Variants in SSX1 observed in about 807,000 individuals in gnomAD.
SSX1 encodes protein SSX1.
SSX1 carries 58 observed loss-of-function variants against 14.6 expected under a neutral mutation model. That is an observed-to-expected ratio of 3.96 (90% CI 3.21 to 4.93). SSX1 has a LOEUF of 4.93. Among genes scored for constraint, SSX1 ranks in the 30% most tolerant of loss-of-function variants. The pLI is 0.00. For missense variants in SSX1, 272 were observed against 143.1 expected (o/e 1.90, Z -4.60); for synonymous variants, 46 against 52.1 (o/e 0.88, Z 0.50).
chrX:48,261,863 T>C, intron 5 of SSX1, 48 bp downstream of exon 5: 1 of 1,185,066 alleles, frequency 8.4e-7, no homozygotes, highest in Non-Finnish European at 1.1e-6. Context: ...TTTCCTTTCA[T>C]GGATGTGAAC....
At chrX:48,262,544 C>G (rs1183066005) in intron 5 of SSX1, among the ~76,000 whole-genome samples, 1 of 110,972 alleles carries the variant, frequency 9.0e-6, no homozygotes, top group African/African-American at 3.3e-5. Context: ...TCCTTGAGCT[C>G]CTTGAGGGCT....
In SSX1 at chrX:48,258,562, A is replaced by C. The variant is rs145959932; in HGVS notation, c.211A>C (p.Met71Leu). 11 of 1,208,607 alleles carry C rather than the reference A, an allele frequency of 9.1e-6. No individual in the cohort carries two copies. The highest frequency in any genetic ancestry group is 1.2e-5 in the Non-Finnish European group (11 of 893,491). The change falls in exon 4 of 8, where the codon ATG becomes CTG. Residue 71 changes from methionine to leucine, a missense_variant. Met to Leu is a conservative substitution (Grantham distance 15, BLOSUM62 2). Transcript: ENST00000376919. ...LGFKVTLPPF[M>L]CNKQATDFQG... Reference sequence around the variant, plus strand: ...TTTCAAAGTCACCCTCCCACCTTTCATGTGTAATAAACAGGCCACAGACTT... The same window carrying C: ...TTTCAAAGTCACCCTCCCACCTTTCCTGTGTAATAAACAGGCCACAGACTT...
intron 5 of SSX1, among the ~76,000 whole-genome samples, chrX:48,262,998 G>A (rs1404952410): frequency 9.0e-6 from 1 of 110,544 alleles, no homozygotes; most frequent in Non-Finnish European, 1.9e-5. Flanking sequence ...GCAGGGCGTG[G>A]TAGCGCCTGC....
intron 1 of SSX1, among the ~76,000 whole-genome samples, chrX:48,256,145 C>A (rs2059580287): frequency 9.4e-6 from 1 of 106,063 alleles, no homozygotes; most frequent in Non-Finnish European, 1.9e-5. Context: ...AGGCAAGAAC[C>A]ACCTCGCTGA....
chrX:48,261,918 T>G (rs1460451112), intron 5 of SSX1, 103 bp downstream of exon 5: 38 of 950,611 alleles, frequency 4.0e-5, no homozygotes, highest in African/African-American at 5.8e-5. Flanking sequence ...CATTGCCTCT[T>G]TCTCCCCATG....
chrX:48,260,243 A>G (rs2059599488), intron 4 of SSX1, among the ~76,000 whole-genome samples: 1 of 108,680 alleles, frequency 9.2e-6, no homozygotes, highest in African/African-American at 3.3e-5. Context: ...AGCTGCATAA[A>G]TGTCTTCTTT....
Position 48,263,922 on chromosome X carries a change from G to C in SSX1, c.466+5G>C. On this transcript the variant is annotated splice_donor_5th_base_variant and intron_variant, in intron 6 of 7. Transcript: ENST00000376919. ...AGAAGATTAATAAGAGATCTGGTAAGAGGAAATGATTTGGGAACAACTTCT... is the reference window on the plus strand; with the variant it reads ...AGAAGATTAATAAGAGATCTGGTAACAGGAAATGATTTGGGAACAACTTCT... The C allele has an allele frequency of 3.3e-6, 4 of 1,209,913 alleles. No individual in the cohort carries two copies. The highest frequency in any genetic ancestry group is 4.5e-6 in the Non-Finnish European group (4 of 894,574).
chrX:48,263,815 G>A lies in SSX1; in HGVS notation c.364G>A (p.Asp122Asn). The A allele has an allele frequency of 1.7e-6, 2 of 1,211,614 alleles. No individual in the cohort carries two copies. The highest frequency in any genetic ancestry group is 2.2e-6 in the Non-Finnish European group (2 of 895,400). The stretch of plus-strand genomic sequence containing the variant: ...CAAGAAGCCAGCAGAGGACGAAAAT[G>A]ATTCGAAGGGAGTGTCAGAAGCATC... ...MPKKPAEDEN[D>N]SKGVSEASGP... Residue 122 changes from aspartate to asparagine, a missense_variant, in exon 6 of 8, where the codon GAT becomes AAT. By Grantham distance (23) the Asp-to-Asn change is conservative (BLOSUM62 1). Coordinates refer to ENST00000376919, the MANE Select transcript of SSX1 (RefSeq NM_005635.4).
chrX:48,265,916 TC>T (rs869057275), intron 6 of SSX1, among the ~76,000 whole-genome samples: 2 of 111,162 alleles, frequency 1.8e-5, no homozygotes, highest in Non-Finnish European at 1.9e-5. Flanking sequence ...TGGTGAGAAT[TC>T]CCCCCAAAAA....
intron 7 of SSX1, 108 bp from the exon 8 acceptor site, chrX:48,266,746 G>A (rs1274385359): frequency 2.5e-5 from 14 of 563,369 alleles, no homozygotes; most frequent in Middle Eastern, 5.6e-4. Context: ...TCCTGGGGTA[G>A]GGCAGAATCA....
rs1213181798 is a variant in SSX1, at chrX:48,267,072, T to A, written c.*223T>A. On this transcript the variant is annotated 3_prime_UTR_variant, in exon 8 of 8. Transcript: ENST00000376919. ...CAGTGTGCCATTCTGTTAGATACTA[T>A]CCTTATAATTGATGAGCAAGACATA... The A allele has an allele frequency of 9.2e-6, 4 of 436,040 alleles. No individual in the cohort carries two copies. The highest frequency in any genetic ancestry group is 1.6e-5 in the Non-Finnish European group (4 of 249,571). 35.9% of individuals were successfully genotyped at this position (436,040 alleles called of 1,213,427 possible). A position where few individuals can be genotyped will look rare whatever the true frequency, so the allele number is the denominator to read the frequency against.
chrX:48,256,961 ACAACACTAGC>A (rs2059584169), intron 1 of SSX1, among the ~76,000 whole-genome samples: 1 of 110,165 alleles, frequency 9.1e-6, no homozygotes, highest in Admixed American at 9.7e-5. Context: ...GAAACTACTA[ACAACACTAGC>A]CAACCCCCTC....
At chrX:48,256,534 C>T (rs2059582833) in intron 1 of SSX1, among the ~76,000 whole-genome samples, 1 of 92,835 alleles carries the variant, frequency 1.1e-5, no homozygotes, top group Non-Finnish European at 2.1e-5. Flanking sequence ...CTCCTGGGCT[C>T]AAGAGATCTG....
At chrX:48,260,417 G>A (rs1433717804) in intron 4 of SSX1, among the ~76,000 whole-genome samples, 5 of 111,369 alleles carry the variant, frequency 4.5e-5, no homozygotes, top group African/African-American at 6.5e-5. Flanking sequence ...GTTCACTCTG[G>A]TGGTAGTTTC....
In SSX1 at chrX:48,266,917, G is replaced by A; in HGVS notation, c.*68G>A. 1 of 1,094,922 alleles carries A rather than the reference G, an allele frequency of 9.1e-7. No homozygotes were observed. Among genetic ancestry groups the A allele is most frequent in the Admixed American group, 2.2e-5 (1 of 45,599 alleles). 90.2% of individuals were successfully genotyped at this position (1,094,922 alleles called of 1,213,427 possible). A position where few individuals can be genotyped will look rare whatever the true frequency, so the allele number is the denominator to read the frequency against. ...ACGTGGTGACCTTTCACGAACATGG[G>A]CATGGCTGCGGCTCCCTCGTCATCA... On this transcript the variant is annotated 3_prime_UTR_variant, in exon 8 of 8. Transcript: ENST00000376919.
intron 1 of SSX1, among the ~76,000 whole-genome samples, chrX:48,256,126 C>T (rs1183572803): frequency 1.9e-5 from 2 of 107,054 alleles, no homozygotes. Context: ...ACCTCGGCCT[C>T]GGAACTACAG....
At chrX:48,256,100 C>T (rs2059580137) in intron 1 of SSX1, among the ~76,000 whole-genome samples, 1 of 108,041 alleles carries the variant, frequency 9.3e-6, no homozygotes, top group Admixed American at 1.0e-4. Flanking sequence ...ACCTCCTCGG[C>T]TCAAGTGATC....
chrX:48,259,440 T>C (rs2059596050), intron 4 of SSX1, among the ~76,000 whole-genome samples: 1 of 95,947 alleles, frequency 1.0e-5, no homozygotes, highest in African/African-American at 3.7e-5. Context: ...GACATGTTGT[T>C]CTTGCTAAAC....
chrX:48,263,269 G>A lies in SSX1; in HGVS notation c.331-513G>A, dbSNP rs1429348632. Among the ~76,000 whole-genome samples, 4 of 111,118 alleles carry A rather than the reference G, an allele frequency of 3.6e-5. No homozygotes were observed. In the Admixed American group the frequency reaches 3.8e-4, roughly 11 times the overall value. On this transcript the variant is annotated intron_variant, in intron 5 of 7. Transcript: ENST00000376919. The stretch of plus-strand genomic sequence containing the variant: ...AGGGTGGTATGCCAGATCTGGTACT[G>A]CTTTCTTTGCTGCCTAGATTAATTT...
Sources: allele counts gnomAD v4.1 joint callset (sites outside exome capture counted in the v4.1 genomes callset), GRCh38; gene constraint gnomAD v4.1.1; transcripts MANE v1.5; gene names NCBI Gene and HGNC (gene_info 2026-07-23, HGNC 2026-07-21).